Variants in JAKMIP1 observed in about 807,000 individuals in gnomAD.
The protein encoded by JAKMIP1 is janus kinase and microtubule interacting protein 1.
A neutral mutation model predicts 113.0 loss-of-function variants in JAKMIP1; 33 were observed. That is an observed-to-expected ratio of 0.29 (90% CI 0.22 to 0.39). The LOEUF (loss-of-function observed/expected upper bound fraction) is 0.39. Ranked by LOEUF, JAKMIP1 falls within the 10% of genes least tolerant of loss-of-function variation. The pLI is 1.00. For synonymous variants in JAKMIP1, 480 were observed against 459.9 expected (o/e 1.04, Z -0.56); for missense variants, 813 against 1,080.5 (o/e 0.75, Z 3.47).
In JAKMIP1 at chr4:6,155,485, T is replaced by C. The variant is rs573728395; in HGVS notation, c.-147-42488A>G. On this transcript the variant is annotated intron_variant, in intron 1 of 20. Coordinates refer to ENST00000409021, the MANE Select transcript of JAKMIP1 (RefSeq NM_001099433.2). This position sits in a 1 kb window ranked among gnomAD's most constrained non-coding sequence, Gnocchi z 6.1. The stretch of plus-strand genomic sequence containing the variant: ...CTAAGCGGGACTCAAATCCAGACAG[T>C]TTGGTTCCAGGGTGGGTTATGGTGG... 2.0e-5 allele frequency among the ~76,000 whole-genome samples: 3 copies of C among 152,188 alleles called. No individual in the cohort carries two copies. Among genetic ancestry groups the C allele is most frequent in the Admixed American group, 6.5e-5 (1 of 15,294 alleles).
chr4:6,173,617 C>G (rs1047698189), intron 1 of JAKMIP1, among the ~76,000 whole-genome samples: 1 of 152,220 alleles, frequency 6.6e-6, no homozygotes, highest in Non-Finnish European at 1.5e-5. Context: ...ACACCTTCAT[C>G]TTGATTCACC....
In JAKMIP1 at chr4:6,094,495, G is replaced by C. The variant is rs1053086977; in HGVS notation, c.625-8866C>G. On this transcript the variant is annotated intron_variant, in intron 3 of 20. Coordinates refer to ENST00000409021, the MANE Select transcript of JAKMIP1 (RefSeq NM_001099433.2). This position sits in a 1 kb window ranked among gnomAD's most constrained non-coding sequence, Gnocchi z 4.2. The stretch of plus-strand genomic sequence containing the variant: ...GGAGTAAACAAACCTACCAACCTCC[G>C]GGGCCCCTGGGGTCTCAGGAACTGC... 2.6e-5 allele frequency among the ~76,000 whole-genome samples: 4 copies of C among 152,102 alleles called. No homozygotes were observed. The highest frequency in any genetic ancestry group is 7.2e-5 in the African/African-American group (3 of 41,426).
At chr4:6,070,132 A>G in intron 8 of JAKMIP1, 1 of 398,912 alleles carries the variant, frequency 2.5e-6, no homozygotes, top group East Asian at 3.6e-5. Context: ...AGGAAGAAAG[A>G]GAAGTACAGC....
rs11451395 is a variant in JAKMIP1, at chr4:6,078,402, C to CTT, written c.1302+535_1302+536dup. Among the ~76,000 whole-genome samples the CTT allele has an allele frequency of 2.9e-3, 381 of 130,522 alleles. 1 individual carries two copies. The highest frequency in any genetic ancestry group is 6.6e-3 in the African/African-American group (233 of 35,280). The allele number at this position is 130,522 out of a possible 152,430, so 85.6% of individuals were successfully genotyped here. A position where few individuals can be genotyped will look rare whatever the true frequency, so the allele number is the denominator to read the frequency against. On this transcript the variant is annotated intron_variant, in intron 8 of 20. Coordinates refer to ENST00000409021, the MANE Select transcript of JAKMIP1 (RefSeq NM_001099433.2). The stretch of plus-strand genomic sequence containing the variant: ...TTTACAGGTTTAAAGGCAAACTATG[C>CTT]TTTTTTTTTTTTTTTTGGTATCAGC...
chr4:6,174,060 A>G (rs1725054172), intron 1 of JAKMIP1, among the ~76,000 whole-genome samples: 1 of 152,248 alleles, frequency 6.6e-6, no homozygotes, highest in Non-Finnish European at 1.5e-5. Context: ...AAATATATAC[A>G]TACATACGTA....
chr4:6,033,118 T>C (rs1368641416), intron 19 of JAKMIP1, among the ~76,000 whole-genome samples: 1 of 152,244 alleles, frequency 6.6e-6, no homozygotes, highest in Non-Finnish European at 1.5e-5. Context: ...AAAGGTGCCA[T>C]TCACTAATGG....
rs565889128 is a variant in JAKMIP1, at chr4:6,137,280, G to A, written c.-147-24283C>T. Among the ~76,000 whole-genome samples the A allele has an allele frequency of 4.8e-3, 730 of 152,256 alleles. No homozygotes were observed. The highest frequency in any genetic ancestry group is 6.8e-3 in the Middle Eastern group (2 of 294). On this transcript the variant is annotated intron_variant, in intron 1 of 20. Coordinates refer to ENST00000409021, the MANE Select transcript of JAKMIP1 (RefSeq NM_001099433.2). The surrounding 1 kb of genome is among the most constrained non-coding windows in gnomAD (Gnocchi z 4.5). ...CCGTGCCAGCAGCCGGGCTCACCAG[G>A]GCCCACTGAGCCACAGCAGCCACAG... is the stretch of plus-strand genomic sequence containing the variant.
intron 1 of JAKMIP1, among the ~76,000 whole-genome samples, chr4:6,131,003 G>T (rs572667715): frequency 2.4e-4 from 36 of 151,732 alleles, no homozygotes; most frequent in Admixed American, 2.2e-3. Flanking sequence ...ATGAAACCCT[G>T]TCTCTACAAA....
chr4:6,073,270 T>C (rs1438681784), intron 8 of JAKMIP1, among the ~76,000 whole-genome samples: 2 of 152,016 alleles, frequency 1.3e-5, no homozygotes, highest in Non-Finnish European at 2.9e-5. Flanking sequence ...TCCTGCGTGT[T>C]TTGATAGGTC....
intron 8 of JAKMIP1, among the ~76,000 whole-genome samples, chr4:6,075,838 A>G (rs1438144592): frequency 6.6e-6 from 1 of 152,330 alleles, no homozygotes; most frequent in Non-Finnish European, 1.5e-5. Context: ...TCACGATTCA[A>G]TTCCAACCCT....
chr4:6,182,061 T>A (rs1213165555), intron 1 of JAKMIP1, among the ~76,000 whole-genome samples: 2 of 151,960 alleles, frequency 1.3e-5, no homozygotes, highest in Non-Finnish European at 2.9e-5. Flanking sequence ...TGAAACCCTA[T>A]GGTGGGTAAT....
chr4:6,101,967 C>A (rs1713118489), intron 3 of JAKMIP1, among the ~76,000 whole-genome samples: 1 of 150,474 alleles, frequency 6.6e-6, no homozygotes, highest in African/African-American at 2.4e-5. Flanking sequence ...ATCTGTAGAT[C>A]AATCATGGAA....
At chr4:6,145,955 G>A (rs906448953) in intron 1 of JAKMIP1, among the ~76,000 whole-genome samples, 3 of 152,146 alleles carry the variant, frequency 2.0e-5, no homozygotes, top group Non-Finnish European at 4.4e-5. Context: ...ACATTCTGAG[G>A]TACTGAGGAT....
At chr4:6,032,119 GATCTCTCTGTGTCTGGAC>G (rs1262119774) in intron 19 of JAKMIP1, among the ~76,000 whole-genome samples, 1 of 152,156 alleles carries the variant, frequency 6.6e-6, no homozygotes, top group African/African-American at 2.4e-5. Context: ...TGAGTGACAT[GATCTCTCTGTGTCTGGAC>G]CCCTCTGCTG....
chr4:6,036,939 G>C (rs1189121682), intron 18 of JAKMIP1, among the ~76,000 whole-genome samples: 2 of 150,450 alleles, frequency 1.3e-5, no homozygotes, highest in African/African-American at 4.9e-5. Context: ...CCGAGGTAGA[G>C]GCTAACCGGT....
At chr4:6,121,704 A>G (rs903746639) in intron 1 of JAKMIP1, among the ~76,000 whole-genome samples, 2 of 152,264 alleles carry the variant, frequency 1.3e-5, no homozygotes, top group Non-Finnish European at 2.9e-5. Context: ...GCCATGTTCA[A>G]GAGCATTAAA....
At chr4:6,171,021 A>ATCACCACCATCACCACCC (rs1430178184) in intron 1 of JAKMIP1, among the ~76,000 whole-genome samples, 1 of 147,810 alleles carries the variant, frequency 6.8e-6, no homozygotes, top group Non-Finnish European at 1.5e-5. Context: ...CATCACCATA[A>ATCACCACCATCACCACCC]TCACCACCAT....
intron 1 of JAKMIP1, among the ~76,000 whole-genome samples, chr4:6,160,929 C>T (rs568110282): frequency 1.3e-5 from 2 of 150,606 alleles, no homozygotes; most frequent in African/African-American, 4.9e-5. Flanking sequence ...CCACTCACCT[C>T]CCCGATCTCC....
At chr4:6,058,348 A>G (rs1716775804) in intron 11 of JAKMIP1, among the ~76,000 whole-genome samples, 2 of 152,264 alleles carry the variant, frequency 1.3e-5, no homozygotes, top group African/African-American at 4.8e-5. Context: ...ACTCTTTGTT[A>G]AGCCCCTCCT....
Sources: gnomAD v4.1 joint callset for allele counts (sites outside exome capture counted in the v4.1 genomes callset) on GRCh38, gnomAD v4.1.1 for gene constraint, Gnocchi (gnomAD v3.1) non-coding constraint, MANE v1.5 for transcripts, NCBI Gene and HGNC (gene_info 2026-07-23, HGNC 2026-07-21) for gene names.